Variants in DRC7 observed in about 807,000 individuals in gnomAD.
DRC7 encodes the protein dynein regulatory complex subunit 7, also known as coiled-coil domain containing 135.
A neutral mutation model predicts 104.4 loss-of-function variants in DRC7; 80 were observed. That is an observed-to-expected ratio of 0.77 (90% CI 0.64 to 0.92). The LOEUF (loss-of-function observed/expected upper bound fraction) is 0.92. DRC7 is among the 40% of genes least tolerant of loss of function. The pLI, the probability that DRC7 is intolerant of heterozygous loss-of-function variation, is 0.00. For missense variants in DRC7, 1,034 were observed against 1,141.1 expected (o/e 0.91, Z 1.35); for synonymous variants, 405 against 447.3 (o/e 0.91, Z 1.19).
At chr16:57,704,455 G>A (rs933982605) in intron 6 of DRC7, among the ~76,000 whole-genome samples, 2 of 151,770 alleles carry the variant, frequency 1.3e-5, no homozygotes, top group Non-Finnish European at 2.9e-5. Context: ...CAACATATGA[G>A]GCCCTCCGAT....
In DRC7 at chr16:57,721,740, G is replaced by A. The variant is rs146987511; in HGVS notation, c.1279+1G>A. The stretch of plus-strand genomic sequence containing the variant: ...GAGCAGATTGAGATCTCCCCGGAAG[G>A]TATTTTCTATTTGTGTATTCACTTA... On this transcript the variant is annotated splice_donor_variant, in intron 10 of 18. Transcript: ENST00000360716. LOFTEE classifies it high-confidence loss of function. 14 of 1,612,384 alleles carry A rather than the reference G, an allele frequency of 8.7e-6. No individual in the cohort carries two copies. Among genetic ancestry groups the A allele is most frequent in the African/African-American group, 4.0e-5 (3 of 74,864 alleles).
chr16:57,700,430 C>G (rs2048645272), intron 5 of DRC7, among the ~76,000 whole-genome samples, 160 bp downstream of exon 5: 1 of 152,112 alleles, frequency 6.6e-6, no homozygotes, highest in Admixed American at 6.5e-5. Flanking sequence ...GGGCAGATCA[C>G]AAGGTCAGGA....
Position 57,724,609 on chromosome 16 carries a change from AC to A in DRC7, c.1538-3del. On this transcript the variant is annotated splice_region_variant and splice_polypyrimidine_tract_variant and intron_variant, in intron 12 of 18. Coordinates refer to ENST00000360716, the MANE Select transcript of DRC7 (RefSeq NM_001289162.2). ...TGTCTCCTCCCAACTCCCGCTCCCC[AC>A]CCAGTGCACTCGTACAAGTCCATGC... 6.2e-7 allele frequency: 1 copy of A among 1,602,270 alleles called. No individual in the cohort carries two copies. The highest frequency in any genetic ancestry group is 8.5e-7 in the Non-Finnish European group (1 of 1,171,408).
At chr16:57,713,359 C>T (rs2048808074) in intron 8 of DRC7, among the ~76,000 whole-genome samples, 1 of 152,174 alleles carries the variant, frequency 6.6e-6, no homozygotes, top group Admixed American at 6.6e-5. Flanking sequence ...TTTTGGATTT[C>T]TCTATTTCTT....
intron 6 of DRC7, 34 bp downstream of exon 6, chr16:57,702,164 A>C (rs367575288): frequency 3.5e-5 from 56 of 1,607,322 alleles, no homozygotes; most frequent in Admixed American, 1.0e-4. Flanking sequence ...GGGTTTCCCA[A>C]AGGATGAACA....
At chr16:57,726,603 C>T (rs1454113210) in intron 14 of DRC7, 1 of 549,598 alleles carries the variant, frequency 1.8e-6, no homozygotes, top group Admixed American at 3.1e-5. Context: ...GCTAGCTTTC[C>T]TAGTCAAACG....
rs746793524 is a variant in DRC7 at position 57,730,994 on chromosome 16, G to A, written c.2455G>A (p.Glu819Lys). The change falls in exon 18 of 19, where the codon GAG becomes AAG. Residue 819 changes from glutamate to lysine, a missense_variant. Transcript: ENST00000360716. ...YQENQVTLTP[E>K]DEDLYLSYCS... Reference sequence around the variant, plus strand: ...GGAGAACCAGGTGACGCTGACACCCGAGGATGAAGACCTGTACCTGAGTTA... The same window carrying A: ...GGAGAACCAGGTGACGCTGACACCCAAGGATGAAGACCTGTACCTGAGTTA... 45 of 1,613,506 alleles carry A rather than the reference G, an allele frequency of 2.8e-5. No homozygotes were observed. The highest frequency in any genetic ancestry group is 3.3e-5 in the Non-Finnish European group (39 of 1,179,968).
chr16:57,722,544 G>C (rs1305501524), intron 10 of DRC7, among the ~76,000 whole-genome samples, 169 bp from the exon 11 acceptor site: 1 of 152,138 alleles, frequency 6.6e-6, no homozygotes, highest in Non-Finnish European at 1.5e-5. Context: ...CCCCTCTAGG[G>C]CTGGAGCCAC....
Position 57,707,585 on chromosome 16 carries a change from C to T in DRC7, c.984C>T (p.Tyr328=), listed in dbSNP as rs2048746158. Residue 328 remains tyrosine (Y), a synonymous_variant, in exon 8 of 19, where the codon TAC becomes TAT. Coordinates refer to ENST00000360716, the MANE Select transcript of DRC7 (RefSeq NM_001289162.2). ...FFIDPFTGHS[Y]STQDEHFLGI... ...TCGACCCATTCACAGGACATAGCTA[C>T]AGCACCCAGGATGAGCACTTCCTGG... The T allele has an allele frequency of 6.2e-7, 1 of 1,613,598 alleles. No homozygotes were observed. The highest frequency in any genetic ancestry group is 8.5e-7 in the Non-Finnish European group (1 of 1,180,014).
At chr16:57,709,421 G>A (rs1034389401) in intron 8 of DRC7, among the ~76,000 whole-genome samples, 1 of 152,136 alleles carries the variant, frequency 6.6e-6, no homozygotes, top group East Asian at 1.9e-4. Flanking sequence ...TAACGCCTTA[G>A]TATCATAACA....
At chr16:57,722,175 C>G (rs952717187) in intron 10 of DRC7, among the ~76,000 whole-genome samples, 2 of 152,144 alleles carry the variant, frequency 1.3e-5, no homozygotes, top group Admixed American at 6.5e-5. Context: ...TGGTGCCCAC[C>G]TAGGGAGCAC....
intron 8 of DRC7, among the ~76,000 whole-genome samples, chr16:57,711,780 G>A (rs954347854): frequency 6.6e-6 from 1 of 152,172 alleles, no homozygotes; most frequent in Non-Finnish European, 1.5e-5. Context: ...GGATGCCAGG[G>A]AACCAGGAGT....
Position 57,707,539 on chromosome 16 carries a change from AG to A in DRC7, c.940del (p.Val314CysfsTer48). On this transcript the variant is annotated frameshift_variant, in exon 8 of 19. Coordinates refer to ENST00000360716, the MANE Select transcript of DRC7 (RefSeq NM_001289162.2). LOFTEE classifies it high-confidence loss of function. The part of the protein sequence containing the change: ...SWVLVLSGKR[E>X]VPENFFIDPF... ...GTCCTTGTGCTATCGGGGAAGCGCG[AG>A]GTGCCTGAGAACTTCTTCATCGACC... The A allele has an allele frequency of 1.9e-6, 3 of 1,613,506 alleles. No homozygotes were observed. Among genetic ancestry groups the A allele is most frequent in the Non-Finnish European group, 2.5e-6 (3 of 1,180,010 alleles).
At position 57,731,210 on chromosome 16, in the gene DRC7, G is replaced by GCT; in HGVS notation, c.2580_2581dup (p.Tyr861SerfsTer70). On this transcript the variant is annotated frameshift_variant, in exon 19 of 19. Coordinates refer to ENST00000360716, the MANE Select transcript of DRC7 (RefSeq NM_001289162.2). LOFTEE classifies it high-confidence loss of function. ...TGAAGTACCTGGCTCTGGAGGAAAAGCTCTACAAGGACCCACGCCTGGGGG... is the reference window on the plus strand; with the variant it reads ...TGAAGTACCTGGCTCTGGAGGAAAAGCTCTCTACAAGGACCCACGCCTGGGGG... 6.2e-7 allele frequency: 1 copy of GCT among 1,613,828 alleles called. No individual in the cohort carries two copies. Among genetic ancestry groups the GCT allele is most frequent in the Non-Finnish European group, 8.5e-7 (1 of 1,179,984 alleles).
At chr16:57,730,305 GTGGATGGA>G (rs369892624) in intron 17 of DRC7, among the ~76,000 whole-genome samples, 6 of 118,960 alleles carry the variant, frequency 5.0e-5, no homozygotes, top group Non-Finnish European at 8.9e-5. Context: ...GGGTGGGTGG[GTGGATGGA>G]TGGATGGATG....
At chr16:57,725,019 A>T (rs190137806) in intron 13 of DRC7, among the ~76,000 whole-genome samples, 184 bp downstream of exon 13, 213 of 152,284 alleles carry the variant, frequency 1.4e-3, no homozygotes, top group African/African-American at 4.6e-3. Flanking sequence ...TTGAAGAAAT[A>T]CCTGAGACTG....
chr16:57,727,263 T>G (rs1597813192), intron 15 of DRC7, 36 bp from the exon 16 acceptor site: 1 of 1,490,396 alleles, frequency 6.7e-7, no homozygotes, highest in Non-Finnish European at 9.4e-7. Flanking sequence ...GGAGGAGGGG[T>G]GTCTCCATCA....
At chr16:57,698,511 A>ACC (rs200388983) in intron 3 of DRC7, among the ~76,000 whole-genome samples, 43 of 150,142 alleles carry the variant, frequency 2.9e-4, no homozygotes, top group Non-Finnish European at 5.6e-4. Flanking sequence ...ACATAGCAAG[A>ACC]CCCCCCCACC....
chr16:57,696,124 G>A (rs1050130934), intron 1 of DRC7, among the ~76,000 whole-genome samples: 5 of 152,194 alleles, frequency 3.3e-5, no homozygotes, highest in Non-Finnish European at 7.3e-5. Context: ...ACAGATGTTC[G>A]AGGACAGAAA....
Sources: gnomAD v4.1 joint callset for allele counts (sites outside exome capture counted in the v4.1 genomes callset) on GRCh38, gnomAD v4.1.1 for gene constraint, MANE v1.5 for transcripts, NCBI Gene and HGNC (gene_info 2026-07-23, HGNC 2026-07-21) for gene names.